Variants in DCTN1 observed in about 807,000 individuals in gnomAD.
DCTN1 encodes the protein dynactin subunit 1.
A neutral mutation model predicts 161.2 loss-of-function variants in DCTN1; 61 were observed. That is an observed-to-expected ratio of 0.38 (90% CI 0.31 to 0.47). The LOEUF is 0.47. DCTN1 is among the 20% of genes least tolerant of loss of function. The probability of loss-of-function intolerance (pLI) is 0.99; values close to 1 mark genes in which losing one functional copy is unlikely to be tolerated. For missense variants in DCTN1, 1,404 were observed against 1,623.7 expected, an observed-to-expected ratio of 0.86 and a Z score of 2.33; for synonymous variants, 653 against 632.4, an observed-to-expected ratio of 1.03 and a Z score of -0.49.
chr2:74,361,724 A>T (rs1674008630), intron 31 of DCTN1, 88 bp from the exon 32 acceptor site: 1 of 1,564,382 alleles, frequency 6.4e-7, no homozygotes, highest in Non-Finnish European at 8.8e-7. Context: ...ACTGAGACCA[A>T]GGCAGCTCCT....
In DCTN1 at chr2:74,371,036, C is replaced by T. The variant is rs1573164518; in HGVS notation, c.786G>A (p.Lys262=). 1 of 1,614,224 alleles carries T rather than the reference C, an allele frequency of 6.2e-7. No individual in the cohort carries two copies. Among genetic ancestry groups the T allele is most frequent in the Non-Finnish European group, 8.5e-7 (1 of 1,180,044 alleles). Residue 262 remains lysine, a synonymous_variant, in exon 9 of 32, where the codon AAG becomes AAA. Transcript: ENST00000628224. The part of the protein sequence containing the change: ...KIQLEQVQEW[K]SKMQEQQADL... ...CGGCCTGCTGCTCCTGCATTTTGCT[C>T]TTCCATTCCTGCACCTGCTCCAGCT... is the stretch of plus-strand genomic sequence containing the variant.
At chr2:74,365,743 CCT>C in intron 24 of DCTN1, 86 bp from the exon 25 acceptor site, 1 of 1,612,026 alleles carries the variant, frequency 6.2e-7, no homozygotes, top group Middle Eastern at 1.6e-4. Context: ...TAGTAGGTTC[CCT>C]GAGGGCTCAC....
At chr2:74,371,775 G>A in intron 7 of DCTN1, 47 bp from the exon 8 acceptor site, 2 of 1,491,316 alleles carry the variant, frequency 1.3e-6, no homozygotes, top group Admixed American at 1.8e-5. Context: ...CAGAGGATAG[G>A]GGTAGTAAGA....
chr2:74,365,369 T>C, intron 25 of DCTN1, 128 bp from the exon 26 acceptor site: 1 of 1,549,472 alleles, frequency 6.5e-7, no homozygotes, highest in Admixed American at 1.9e-5. Context: ...AGGCTTAGGC[T>C]GGGGTGATGC....
intron 1 of DCTN1, among the ~76,000 whole-genome samples, chr2:74,390,216 C>G (rs60949068): frequency 0.03 from 4,519 of 152,204 alleles, 249 homozygotes; most frequent in African/African-American, 0.1. Context: ...AAATACAATT[C>G]CGCTTAGAAA....
At position 74,361,359 on chromosome 2, in the gene DCTN1, A is replaced by G. The variant is rs750593731; in HGVS notation, c.*140T>C. On this transcript the variant is annotated 3_prime_UTR_variant, in exon 32 of 32. Coordinates refer to ENST00000628224, the MANE Select transcript of DCTN1 (RefSeq NM_004082.5). ...GTCAAGGTGAAGGGGCAGGACGCTG[A>G]AAGGGTGGGAGTGAAGCTGAACGGG... The G allele has an allele frequency of 1.6e-6, 2 of 1,213,590 alleles. No individual in the cohort carries two copies. Among genetic ancestry groups the G allele is most frequent in the Admixed American group, 1.9e-5 (1 of 51,466 alleles). The allele number at this position is 1,213,590 out of a possible 1,614,324, so 75.2% of individuals were successfully genotyped here. A position where few individuals can be genotyped will look rare whatever the true frequency, so the allele number is the denominator to read the frequency against.
Position 74,378,174 on chromosome 2 carries a change from C to G in DCTN1, c.105G>C (p.Val35=), listed in dbSNP as rs762711982. The G allele has an allele frequency of 6.2e-7, 1 of 1,613,996 alleles. No homozygotes were observed. The highest frequency in any genetic ancestry group is 1.1e-5 in the South Asian group (1 of 91,076). The change falls in exon 2 of 32, where the codon GTG becomes GTC. Residue 35 remains valine, a synonymous_variant. Coordinates refer to ENST00000628224, the MANE Select transcript of DCTN1 (RefSeq NM_004082.5). ...RPLRVGSRVE[V]IGKGHRGTVA... ...CAGTGCCTCGGTGGCCTTTTCCAAT[C>G]ACCTCTACACGGGAGCCCACCCGCA... is the stretch of plus-strand genomic sequence containing the variant.
At chr2:74,385,381 T>C (rs1675682501) in intron 1 of DCTN1, 1 of 152,246 alleles carries the variant, frequency 6.6e-6, no homozygotes, top group Non-Finnish European at 1.5e-5. Context: ...AAGTCCTACT[T>C]AGGCTGTTCG....
intron 24 of DCTN1, 51 bp downstream of exon 24, chr2:74,365,842 G>C (rs763101727): frequency 4.3e-6 from 7 of 1,614,006 alleles, no homozygotes; most frequent in Non-Finnish European, 5.9e-6. Flanking sequence ...CTGCTTTCCT[G>C]AGTCCTACCA....
rs947886283 is a variant in DCTN1 at position 74,371,636 on chromosome 2, C to T, written c.546G>A (p.Glu182=). ...SASAGELSSS[E]PSTPAQTPLA... is the part of the protein sequence containing the mutation. The stretch of plus-strand genomic sequence containing the variant: ...GCGGAGTCTGAGCCGGGGTGCTGGG[C>T]TCACTGCTGCTCAGCTCACCTGCTG... Residue 182 remains glutamate, a synonymous_variant, in exon 8 of 32, where the codon GAG becomes GAA. Coordinates refer to ENST00000628224, the MANE Select transcript of DCTN1 (RefSeq NM_004082.5). The T allele has an allele frequency of 2.5e-6, 4 of 1,592,122 alleles. No homozygotes were observed. The African/African-American group carries it at 5.3e-5, about 21-fold the overall frequency.
rs761187899 is a variant in DCTN1, at chr2:74,371,078, C to T, written c.744G>A (p.Leu248=). Residue 248 remains leucine, a synonymous_variant, in exon 9 of 32, where the codon CTG becomes CTA. Coordinates refer to ENST00000628224, the MANE Select transcript of DCTN1 (RefSeq NM_004082.5). ...RAEDKAKLKE[L]EKHKIQLEQV... Reference sequence around the variant, plus strand: ...GCTCCAGCTGGATTTTGTGTTTCTCCAGCTCTTTTAGCTTTGCTTTGTCTT... The same window carrying T: ...GCTCCAGCTGGATTTTGTGTTTCTCTAGCTCTTTTAGCTTTGCTTTGTCTT... 2.5e-6 allele frequency: 4 copies of T among 1,614,218 alleles called. No individual in the cohort carries two copies. The Admixed American group carries it at 5.0e-5, about 20-fold the overall frequency.
chr2:74,371,925 T>G (rs1674891537), intron 7 of DCTN1, 197 bp from the exon 8 acceptor site: 2 of 576,716 alleles, frequency 3.5e-6, no homozygotes, highest in Non-Finnish European at 6.2e-6. Flanking sequence ...AGAGAGATAG[T>G]GACAAAGGAC....
intron 6 of DCTN1, 119 bp from the exon 7 acceptor site, chr2:74,373,067 G>A (rs2103682992): frequency 1.1e-6 from 1 of 893,418 alleles, no homozygotes; most frequent in Non-Finnish European, 1.8e-6. Context: ...TGGGGCTACA[G>A]TTAGCCACCC....
chr2:74,390,952 AC>A (rs1429147886), intron 1 of DCTN1, among the ~76,000 whole-genome samples: 1 of 152,122 alleles, frequency 6.6e-6, no homozygotes, highest in Non-Finnish European at 1.5e-5. Context: ...TACATACCAT[AC>A]CCCCAGTTGG....
At chr2:74,366,696 G>A in intron 21 of DCTN1, 76 bp from the exon 22 acceptor site, 2 of 1,614,028 alleles carry the variant, frequency 1.2e-6, no homozygotes, top group South Asian at 2.2e-5. Flanking sequence ...AACCATTTTT[G>A]TCCCCTAACC....
rs974899288 is a variant in DCTN1, at chr2:74,369,063, G to A, written c.1701+35C>T. ...CCAGACCCCATACCAGTTCATCCCAGGCAGGGCTCCCTCAGACCCACACAC... is the reference window on the plus strand; with the variant it reads ...CCAGACCCCATACCAGTTCATCCCAAGCAGGGCTCCCTCAGACCCACACAC... On this transcript the variant is annotated intron_variant, in intron 15 of 31. Coordinates refer to ENST00000628224, the MANE Select transcript of DCTN1 (RefSeq NM_004082.5). This position sits in a 1 kb window ranked among gnomAD's most constrained non-coding sequence, Gnocchi z 4.9. The A allele has an allele frequency of 2.5e-6, 4 of 1,606,566 alleles. No individual in the cohort carries two copies. The Admixed American group carries it at 5.0e-5, about 20-fold the overall frequency.
chr2:74,376,658 T>C lies in DCTN1; in HGVS notation c.414+84A>G, dbSNP rs978827837. The C allele has an allele frequency of 3.7e-5, 50 of 1,339,088 alleles. No homozygotes were observed. The South Asian group carries it at 4.0e-4, about 11-fold the overall frequency. 83.0% of individuals were successfully genotyped at this position (1,339,088 alleles called of 1,614,324 possible). A position where few individuals can be genotyped will look rare whatever the true frequency, so the allele number is the denominator to read the frequency against. ...CAGCCCAAGGTCACACACACATGCA[T>C]GCAGCAGCCCAGGGACATGCAGGAC... is the stretch of plus-strand genomic sequence containing the variant. On this transcript the variant is annotated intron_variant, in intron 5 of 31. Coordinates refer to ENST00000628224, the MANE Select transcript of DCTN1 (RefSeq NM_004082.5).
chr2:74,366,608 G>C lies in DCTN1; in HGVS notation c.2479C>G (p.Leu827Val). 6.2e-7 allele frequency: 1 copy of C among 1,612,428 alleles called. No individual in the cohort carries two copies. The highest frequency in any genetic ancestry group is 8.5e-7 in the Non-Finnish European group (1 of 1,180,034). The change falls in exon 22 of 32, where the codon CTC becomes GTC. Residue 827 changes from leucine (L) to valine (V), a missense_variant. Transcript: ENST00000628224. ...GTCAAGTGTTTCCTGCAGTCTAGGA[G>C]CGTGTCAGATACCTGTGTGCCAGGC... ...LAFGPQVSDT[L>V]LDCRKHLTWV...
rs533691355 is a variant in DCTN1, at chr2:74,361,325, G to C, written c.*174C>G. On this transcript the variant is annotated 3_prime_UTR_variant, in exon 32 of 32. Coordinates refer to ENST00000628224, the MANE Select transcript of DCTN1 (RefSeq NM_004082.5). ...GCAGAGGCCAGGGAATGGGAGTGGGGGAACCCGGGTCAAGGTGAAGGGGCA... is the reference window on the plus strand; with the variant it reads ...GCAGAGGCCAGGGAATGGGAGTGGGCGAACCCGGGTCAAGGTGAAGGGGCA... 3 of 909,750 alleles carry C rather than the reference G, an allele frequency of 3.3e-6. No homozygotes were observed. The highest frequency in any genetic ancestry group is 5.2e-6 in the Non-Finnish European group (3 of 576,770). 56.4% of individuals were successfully genotyped at this position (909,750 alleles called of 1,614,324 possible). A position where few individuals can be genotyped will look rare whatever the true frequency, so the allele number is the denominator to read the frequency against.
Sources: allele counts gnomAD v4.1 joint callset (sites outside exome capture counted in the v4.1 genomes callset), GRCh38; gene constraint gnomAD v4.1.1; non-coding constraint Gnocchi (gnomAD v3.1); transcripts MANE v1.5; gene names NCBI Gene and HGNC (gene_info 2026-07-23, HGNC 2026-07-21).